Variants in CFAP43 observed in about 807,000 individuals in gnomAD.
CFAP43 encodes cilia- and flagella-associated protein 43.
In CFAP43, 155 loss-of-function variants were observed where a neutral mutation model predicts 218.9. The observed-to-expected ratio is 0.71, with a 90% CI of 0.62 to 0.81. The LOEUF (loss-of-function observed/expected upper bound fraction) is 0.81, where lower values mean the gene tolerates loss of function less well. CFAP43 is among the 30% of genes least tolerant of loss of function. The pLI, the probability that CFAP43 is intolerant of heterozygous loss-of-function variation, is 0.00. For synonymous variants in CFAP43, 645 were observed against 681.3 expected, an observed-to-expected ratio of 0.95 and a Z score of 0.83; for missense variants, 1,778 against 1,954.3, an observed-to-expected ratio of 0.91 and a Z score of 1.70.
In CFAP43 at chr10:104,142,351, G is replaced by C; in HGVS notation, c.4201C>G (p.Leu1401Val). 2 of 1,613,252 alleles carry C rather than the reference G, an allele frequency of 1.2e-6. No individual in the cohort carries two copies. The highest frequency in any genetic ancestry group is 1.7e-6 in the Non-Finnish European group (2 of 1,179,632). The change falls in exon 33 of 38, where the codon CTC becomes GTC. Residue 1401 changes from leucine (L) to valine (V), a missense_variant. Leu to Val is a conservative substitution (Grantham distance 32). Around this residue, in one of 3 missense-constraint regions of CFAP43, gnomAD observed 1,553 missense variants for 1,685.2 expected, o/e 0.92. Transcript: ENST00000357060. The part of the protein sequence containing the change: ...AADLLEMATF[L>V]QKRVEEEEKV... ...TCTTCCTCCTCAACTCTCTTCTGGA[G>C]GAAAGTTGCCATTTCCAATAAGTCA...
chr10:104,197,131 T>C (rs1250072467), intron 9 of CFAP43, among the ~76,000 whole-genome samples, 198 bp from the exon 10 acceptor site: 1 of 152,176 alleles, frequency 6.6e-6, no homozygotes, highest in East Asian at 1.9e-4. Context: ...TTTAATGCAA[T>C]TTAATACATA....
chr10:104,205,751 T>C (rs988737223), intron 7 of CFAP43, among the ~76,000 whole-genome samples: 2 of 152,300 alleles, frequency 1.3e-5, no homozygotes, highest in East Asian at 3.9e-4. Context: ...TGCAGTAATA[T>C]ATGGTAGTTC....
rs1046258039 is a variant in CFAP43 at position 104,218,438 on chromosome 10, A to C, written c.417-4012T>G. 2.0e-5 allele frequency among the ~76,000 whole-genome samples: 3 copies of C among 151,748 alleles called. 1 individual carries two copies. Among genetic ancestry groups the C allele is most frequent in the African/African-American group, 7.3e-5 (3 of 41,304 alleles). On this transcript the variant is annotated intron_variant, in intron 3 of 37. Coordinates refer to ENST00000357060, the MANE Select transcript of CFAP43 (RefSeq NM_025145.7). ...TCATAAGCCTTATGCAATTCTTCCAAGGTAATAATGTGTTTGTCCTTCCTT... is the reference window on the plus strand; with the variant it reads ...TCATAAGCCTTATGCAATTCTTCCACGGTAATAATGTGTTTGTCCTTCCTT...
Position 104,191,787 on chromosome 10 carries a change from TGTG to T in CFAP43, c.1546+409_1546+411del, listed in dbSNP as rs1213793454. On this transcript the variant is annotated intron_variant, in intron 12 of 37. Transcript: ENST00000357060. ...GGAGAATTTTAAAAAAAATTGTGTGTGTGGGGGGGGGGAAACACATATACAGTT... is the reference window on the plus strand; with the variant it reads ...GGAGAATTTTAAAAAAAATTGTGTGTGGGGGGGGGAAACACATATACAGTT... Among the ~76,000 whole-genome samples the T allele has an allele frequency of 6.1e-3, 482 of 79,378 alleles. 6 individuals carry two copies. Among genetic ancestry groups the T allele is most frequent in the African/African-American group, 0.021 (343 of 16,490 alleles). 52.1% of individuals were successfully genotyped at this position (79,378 alleles called of 152,430 possible).
rs1427287483 is a variant in CFAP43 at position 104,166,509 on chromosome 10, G to A, written c.3018C>T (p.Ile1006=). The A allele has an allele frequency of 6.2e-7, 1 of 1,613,044 alleles. No homozygotes were observed. The highest frequency in any genetic ancestry group is 1.1e-5 in the South Asian group (1 of 90,820). ...CCACTTTCAATAATATAATTTGGTT[G>A]ATTTTCTCTTCTCTGGAATGAAGCT... ...QLELHSREEK[I]NQIILLKDII... Residue 1006 remains isoleucine (I), a synonymous_variant, in exon 23 of 38, where the codon ATC becomes ATT. Transcript: ENST00000357060.
chr10:104,219,948 T>C (rs1215090826), intron 3 of CFAP43, among the ~76,000 whole-genome samples: 1 of 152,054 alleles, frequency 6.6e-6, no homozygotes, highest in Non-Finnish European at 1.5e-5. Flanking sequence ...TCCCCCAAAT[T>C]CCCGTGTTAA....
chr10:104,137,484 T>C (rs766469550), intron 34 of CFAP43, among the ~76,000 whole-genome samples: 10 of 152,082 alleles, frequency 6.6e-5, no homozygotes, highest in Non-Finnish European at 1.5e-4. Context: ...AATTGCTTAA[T>C]GGGTGTGGGG....
intron 19 of CFAP43, 32 bp downstream of exon 19, chr10:104,178,997 A>G: frequency 6.4e-7 from 1 of 1,554,030 alleles, no homozygotes; most frequent in Non-Finnish European, 8.9e-7. Context: ...ATGAGGGCCA[A>G]AGGTATTAGA....
rs1427013419 is a variant in CFAP43, at chr10:104,133,789, A to T, written c.4432-5T>A. 6.9e-6 allele frequency: 11 copies of T among 1,598,266 alleles called. No homozygotes were observed. Among genetic ancestry groups the T allele is most frequent in the Non-Finnish European group, 9.4e-6 (11 of 1,173,430 alleles). The stretch of plus-strand genomic sequence containing the variant: ...AACTTTCTTTTGTCCTTGAGTCTTT[A>T]AAAAAGTACATTAGATATCCATATA... On this transcript the variant is annotated splice_polypyrimidine_tract_variant and splice_region_variant and intron_variant, in intron 34 of 37. Transcript: ENST00000357060.
chr10:104,131,594 C>T (rs1254193753), intron 36 of CFAP43, 110 bp from the exon 37 acceptor site: 5 of 1,209,852 alleles, frequency 4.1e-6, no homozygotes, highest in African/African-American at 1.5e-5. Flanking sequence ...ATTAAGATAA[C>T]ATCTTACCGC....
At position 104,147,902 on chromosome 10, in the gene CFAP43, G is replaced by A; in HGVS notation, c.3757C>T (p.Gln1253Ter). The A allele has an allele frequency of 6.3e-7, 1 of 1,590,120 alleles. No individual in the cohort carries two copies. Among genetic ancestry groups the A allele is most frequent in the South Asian group, 1.1e-5 (1 of 87,532 alleles). The change falls in exon 29 of 38, where the codon CAG (glutamine) becomes TAG (stop). Residue 1253 changes from glutamine (Q) to a stop codon, truncating the protein, a stop_gained. Coordinates refer to ENST00000357060, the MANE Select transcript of CFAP43 (RefSeq NM_025145.7). LOFTEE classifies it high-confidence loss of function. ...GACACTATTCTTACTTTCTCGTGCT[G>A]TTTCCTTGTAAGGTAGTTGTTCAGG... ...KFLNNYLTRK[Q>*]HEKSQTSEAV...
At chr10:104,171,848 A>T (rs2089426220) in intron 20 of CFAP43, among the ~76,000 whole-genome samples, 1 of 152,220 alleles carries the variant, frequency 6.6e-6, no homozygotes, top group Non-Finnish European at 1.5e-5. Context: ...TGTGGGTACC[A>T]TATGCAAATA....
At chr10:104,217,916 T>C (rs2091059915) in intron 3 of CFAP43, among the ~76,000 whole-genome samples, 1 of 152,244 alleles carries the variant, frequency 6.6e-6, no homozygotes, top group South Asian at 2.1e-4. Flanking sequence ...TGTCAAAGCT[T>C]CATAAACTAT....
chr10:104,162,196 A>T lies in CFAP43; in HGVS notation c.3333+121T>A. Reference sequence around the variant, plus strand: ...GAGGAGAGAAGGGGAAAGGAGGCCAACTGAGATTCAAGTGACCTCTGACCA... The same window carrying T: ...GAGGAGAGAAGGGGAAAGGAGGCCATCTGAGATTCAAGTGACCTCTGACCA... On this transcript the variant is annotated intron_variant, in intron 25 of 37. Coordinates refer to ENST00000357060, the MANE Select transcript of CFAP43 (RefSeq NM_025145.7). The T allele has an allele frequency of 3.3e-6, 4 of 1,216,600 alleles. No individual in the cohort carries two copies. In the South Asian group the frequency reaches 3.7e-5, roughly 11 times the overall value. The allele number at this position is 1,216,600 out of a possible 1,614,324, so 75.4% of individuals were successfully genotyped here. A position where few individuals can be genotyped will look rare whatever the true frequency, so the allele number is the denominator to read the frequency against.
intron 3 of CFAP43, 68 bp from the exon 4 acceptor site, chr10:104,214,494 A>G (rs2090960922): frequency 7.8e-7 from 1 of 1,287,232 alleles, no homozygotes; most frequent in Non-Finnish European, 1.0e-6. Context: ...ACATTTATCT[A>G]TTTTTTAATT....
intron 27 of CFAP43, 52 bp from the exon 28 acceptor site, chr10:104,152,778 A>G: frequency 6.4e-7 from 1 of 1,566,174 alleles, no homozygotes; most frequent in Non-Finnish European, 8.6e-7. Context: ...AAAGGCTCCT[A>G]GGAAGTGATG....
intron 30 of CFAP43, 53 bp from the exon 31 acceptor site, chr10:104,145,617 TTTG>T: frequency 8.1e-7 from 1 of 1,235,072 alleles, no homozygotes; most frequent in Non-Finnish European, 1.2e-6. Context: ...AAACCTTTTA[TTTG>T]TTGACAATAC....
intron 19 of CFAP43, among the ~76,000 whole-genome samples, chr10:104,174,932 G>A (rs2089558761): frequency 6.6e-6 from 1 of 151,850 alleles, no homozygotes; most frequent in African/African-American, 2.4e-5. Flanking sequence ...GCGGGCACCT[G>A]TAGTCCCAGC....
chr10:104,136,349 C>CTTATT (rs556302792), intron 34 of CFAP43, among the ~76,000 whole-genome samples: 3,561 of 148,180 alleles, frequency 0.024, 83 homozygotes, highest in African/African-American at 0.058. Flanking sequence ...TAGATATTTA[C>CTTATT]TTATTTTATT....
Sources: gnomAD v4.1 joint callset for allele counts (sites outside exome capture counted in the v4.1 genomes callset) on GRCh38, gnomAD v4.1.1 for gene constraint, gnomAD v4.1.1 regional missense constraint, MANE v1.5 for transcripts, NCBI Gene and HGNC (gene_info 2026-07-23, HGNC 2026-07-21) for gene names.